Variants in ADAMTS17 observed in about 807,000 individuals in gnomAD.
The protein encoded by ADAMTS17 is A disintegrin and metalloproteinase with thrombospondin motifs 17.
In ADAMTS17, 113 loss-of-function variants were observed where a neutral mutation model predicts 141.5. The observed-to-expected ratio is 0.80, with a 90% confidence interval of 0.69 to 0.93. The LOEUF (loss-of-function observed/expected upper bound fraction) is 0.93. Among genes scored for constraint, ADAMTS17 ranks in the 40% least tolerant of loss-of-function variants. The pLI is 0.00. For missense variants in ADAMTS17, 1,659 were observed against 1,517.9 expected (o/e 1.09, Z -1.54); for synonymous variants, 768 against 630.6 (o/e 1.22, Z -3.27).
In ADAMTS17 at chr15:100,183,842, G is replaced by A. The variant is rs559766406; in HGVS notation, c.1181+15476C>T. ...TCCAATGACAGTTTAGTTTTCAGAG[G>A]CCCTGCAATGTTATCCCAATCTGCT... On this transcript the variant is annotated intron_variant, in intron 8 of 21. Coordinates refer to ENST00000268070, the MANE Select transcript of ADAMTS17 (RefSeq NM_139057.4). 8.5e-5 allele frequency among the ~76,000 whole-genome samples: 13 copies of A among 152,306 alleles called. No homozygotes were observed. The South Asian group carries it at 2.7e-3, about 32-fold the overall frequency.
At chr15:100,219,935 T>C (rs2042081155) in intron 7 of ADAMTS17, among the ~76,000 whole-genome samples, 1 of 152,184 alleles carries the variant, frequency 6.6e-6, no homozygotes, top group South Asian at 2.1e-4. Flanking sequence ...AAAACCGCAA[T>C]AAGCACTTTA....
At chr15:100,098,776 G>A (rs1018550948) in intron 14 of ADAMTS17, among the ~76,000 whole-genome samples, 1 of 152,180 alleles carries the variant, frequency 6.6e-6, no homozygotes, top group Admixed American at 6.5e-5. Context: ...CGTGTCTGTT[G>A]CTTTGTTTCA....
In ADAMTS17 at chr15:100,151,365, G is replaced by A. The variant is rs77363086; in HGVS notation, c.1473+1247C>T. ...AGGCAATGCTCCAACTGCAGGTTGTGTCCCAATTTCCTAAACTAACTTATA... is the reference window on the plus strand; with the variant it reads ...AGGCAATGCTCCAACTGCAGGTTGTATCCCAATTTCCTAAACTAACTTATA... On this transcript the variant is annotated intron_variant, in intron 10 of 21. Coordinates refer to ENST00000268070, the MANE Select transcript of ADAMTS17 (RefSeq NM_139057.4). 5.9e-3 allele frequency among the ~76,000 whole-genome samples: 895 copies of A among 152,304 alleles called. 31 individuals are homozygous for A. The highest frequency in any genetic ancestry group is 0.046 in the Admixed American group (710 of 15,292).
intron 8 of ADAMTS17, among the ~76,000 whole-genome samples, chr15:100,160,529 G>C (rs754957598): frequency 1.3e-5 from 2 of 152,214 alleles, no homozygotes; most frequent in Non-Finnish European, 2.9e-5. Context: ...TCTTCCCACA[G>C]GGCCTCTTCT....
At chr15:100,220,526 C>G (rs1276753339) in intron 7 of ADAMTS17, among the ~76,000 whole-genome samples, 2 of 152,206 alleles carry the variant, frequency 1.3e-5, no homozygotes, top group East Asian at 3.8e-4. Flanking sequence ...GGATATAATT[C>G]ACACACCATT....
In ADAMTS17 at chr15:99,989,144, G is replaced by A. The variant is rs553830639; in HGVS notation, c.2949+3904C>T. Among the ~76,000 whole-genome samples, 109 of 152,280 alleles carry A rather than the reference G, an allele frequency of 7.2e-4. 1 individual carries two copies. Among genetic ancestry groups the A allele is most frequent in the African/African-American group, 1.7e-3 (70 of 41,554 alleles). On this transcript the variant is annotated intron_variant, in intron 20 of 21. Transcript: ENST00000268070. Reference sequence around the variant, plus strand: ...TGGGTCCAGGAGCTTGGACTCTGCCGGGGGGTGTGGGCGAGTCACGGAACT... The same window carrying A: ...TGGGTCCAGGAGCTTGGACTCTGCCAGGGGGTGTGGGCGAGTCACGGAACT...
chr15:100,127,565 GA>G (rs1269255632), intron 12 of ADAMTS17, among the ~76,000 whole-genome samples: 1 of 152,162 alleles, frequency 6.6e-6, no homozygotes, highest in Admixed American at 6.5e-5. Flanking sequence ...ACTTCAATGT[GA>G]TTCTATTTTT....
intron 8 of ADAMTS17, among the ~76,000 whole-genome samples, chr15:100,178,290 A>T (rs1394422804): frequency 6.6e-6 from 1 of 152,116 alleles, no homozygotes; most frequent in Non-Finnish European, 1.5e-5. Flanking sequence ...ATTTTGATTT[A>T]TTCATGATTT....
chr15:100,311,128 G>C (rs1474163467), intron 3 of ADAMTS17, among the ~76,000 whole-genome samples: 3 of 152,218 alleles, frequency 2.0e-5, no homozygotes, highest in African/African-American at 7.2e-5. Context: ...TCCTTCCCTT[G>C]CCTCGGGTGG....
At chr15:100,181,524 G>T (rs1344875346) in intron 8 of ADAMTS17, among the ~76,000 whole-genome samples, 1 of 152,236 alleles carries the variant, frequency 6.6e-6, no homozygotes, top group East Asian at 1.9e-4. Flanking sequence ...TCTTTAGCCA[G>T]CAAGTTATGA....
At chr15:100,157,411 T>C (rs2141383505) in intron 8 of ADAMTS17, among the ~76,000 whole-genome samples, 1 of 152,366 alleles carries the variant, frequency 6.6e-6, no homozygotes, top group Middle Eastern at 3.4e-3. Flanking sequence ...TGTCTTGTTA[T>C]TTCTCCACTT....
intron 3 of ADAMTS17, among the ~76,000 whole-genome samples, chr15:100,325,446 G>A (rs1218373187): frequency 6.6e-6 from 1 of 152,216 alleles, no homozygotes; most frequent in Non-Finnish European, 1.5e-5. Flanking sequence ...ATAAGACCAT[G>A]TGAAGACACA....
At chr15:100,265,693 G>C (rs561357080) in intron 4 of ADAMTS17, among the ~76,000 whole-genome samples, 2 of 152,292 alleles carry the variant, frequency 1.3e-5, no homozygotes, top group South Asian at 4.1e-4. Context: ...GTGACCCAAG[G>C]CCTCCCCCCA....
rs751904016 is a variant in ADAMTS17, at chr15:100,051,648, T to A, written c.2379A>T (p.Glu793Asp). Residue 793 changes from glutamate (E) to aspartate (D), a missense_variant, in exon 17 of 22, where the codon GAA becomes GAT. Glu to Asp is a conservative substitution (Grantham distance 45, BLOSUM62 2). Coordinates refer to ENST00000268070, the MANE Select transcript of ADAMTS17 (RefSeq NM_139057.4). Reference protein sequence around the residue: ...PVNRTAENQSEPEKPQDSLFI... With the variant: ...PVNRTAENQSDPEKPQDSLFI... ...ACAAAGAGTCCTGCGGTTTTTCTGG[T>A]TCGCTTTGATTTTCCGCAGTGCGGT... 1.7e-5 allele frequency: 27 copies of A among 1,614,026 alleles called. No individual in the cohort carries two copies. Among genetic ancestry groups the A allele is most frequent in the Non-Finnish European group, 2.2e-5 (26 of 1,180,034 alleles).
chr15:100,131,818 G>C (rs978776005), intron 12 of ADAMTS17, among the ~76,000 whole-genome samples, 189 bp downstream of exon 12: 1 of 152,240 alleles, frequency 6.6e-6, no homozygotes, highest in Non-Finnish European at 1.5e-5. Flanking sequence ...TTCACAGAAA[G>C]AGCAATTTAA....
chr15:100,254,597 T>C (rs1422350305), intron 6 of ADAMTS17, among the ~76,000 whole-genome samples: 1 of 152,200 alleles, frequency 6.6e-6, no homozygotes, highest in Non-Finnish European at 1.5e-5. Context: ...GTAATGACCA[T>C]GTATTGCTTT....
intron 3 of ADAMTS17, among the ~76,000 whole-genome samples, chr15:100,281,787 G>A (rs1323974840): frequency 6.6e-6 from 1 of 152,192 alleles, no homozygotes; most frequent in Non-Finnish European, 1.5e-5. Context: ...CACCCAAGGT[G>A]GATAACTGGA....
chr15:100,050,702 G>T (rs1303957313), intron 17 of ADAMTS17, among the ~76,000 whole-genome samples: 1 of 152,232 alleles, frequency 6.6e-6, no homozygotes, highest in Non-Finnish European at 1.5e-5. Flanking sequence ...GATGGCGGGG[G>T]CTATGCCCGG....
rs10902562 is a variant in ADAMTS17, at chr15:100,121,826, C to T, written c.1722-4813G>A. On this transcript the variant is annotated intron_variant, in intron 12 of 21. Transcript: ENST00000268070. Reference sequence around the variant, plus strand: ...TTCAGTGGCCTGTGATGCATTCCACCTCCCTGTGGACAGCATTCTCCTGTA... The same window carrying T: ...TTCAGTGGCCTGTGATGCATTCCACTTCCCTGTGGACAGCATTCTCCTGTA... Among the ~76,000 whole-genome samples the T allele has an allele frequency of 5.9e-3, 893 of 152,044 alleles. 17 individuals are homozygous for T. Among genetic ancestry groups the T allele is most frequent in the African/African-American group, 0.02 (837 of 41,416 alleles).
Sources: gnomAD v4.1 joint callset for allele counts (sites outside exome capture counted in the v4.1 genomes callset) on GRCh38, gnomAD v4.1.1 for gene constraint, MANE v1.5 for transcripts, NCBI Gene and HGNC (gene_info 2026-07-23, HGNC 2026-07-21) for gene names.